Variants in DYNC1I1 observed in about 807,000 individuals in gnomAD.
DYNC1I1 encodes dynein cytoplasmic 1 intermediate chain 1, also known as cytoplasmic dynein 1 intermediate chain 1.
DYNC1I1 carries 43 observed loss-of-function variants against 86.6 expected under a neutral mutation model. The observed-to-expected ratio is 0.50, with a 90% CI of 0.39 to 0.64. The LOEUF (loss-of-function observed/expected upper bound fraction) is 0.64, where lower values mean the gene tolerates loss of function less well. Ranked by LOEUF, DYNC1I1 falls within the 30% of genes least tolerant of loss-of-function variation. The pLI is 0.00. For synonymous variants in DYNC1I1, 262 were observed against 283.7 expected, an observed-to-expected ratio of 0.92 and a Z score of 0.77; for missense variants, 604 against 788.8, an observed-to-expected ratio of 0.77 and a Z score of 2.81.
At chr7:95,978,760 T>C (rs1230674668) in intron 7 of DYNC1I1, among the ~76,000 whole-genome samples, 1 of 152,130 alleles carries the variant, frequency 6.6e-6, no homozygotes, top group Non-Finnish European at 1.5e-5. Flanking sequence ...CCCAAATGCC[T>C]ATTACAAATG....
chr7:95,895,580 G>A (rs536543855), intron 6 of DYNC1I1, among the ~76,000 whole-genome samples: 17 of 152,142 alleles, frequency 1.1e-4, no homozygotes, highest in Non-Finnish European at 1.9e-4. Flanking sequence ...GGCCGAATGC[G>A]TTGTTGATGT....
chr7:95,990,695 C>T (rs1186111722), intron 9 of DYNC1I1, among the ~76,000 whole-genome samples: 3 of 152,168 alleles, frequency 2.0e-5, no homozygotes, highest in African/African-American at 7.2e-5. Context: ...ACCTAGCTCA[C>T]ACACTTATTG....
chr7:95,954,677 T>C (rs2961174), intron 6 of DYNC1I1, among the ~76,000 whole-genome samples: 6 of 151,740 alleles, frequency 4.0e-5, no homozygotes, highest in Non-Finnish European at 7.4e-5. Flanking sequence ...ACTTTGGGAG[T>C]CTGAGGCAGG....
chr7:96,030,012 T>C (rs999360738), intron 11 of DYNC1I1, among the ~76,000 whole-genome samples: 1 of 151,980 alleles, frequency 6.6e-6, no homozygotes, highest in African/African-American at 2.4e-5. Flanking sequence ...TTGGTTTTTT[T>C]CAGGGGGATT....
At chr7:96,063,870 C>G (rs1204504667) in intron 14 of DYNC1I1, among the ~76,000 whole-genome samples, 2 of 152,162 alleles carry the variant, frequency 1.3e-5, no homozygotes, top group Middle Eastern at 3.2e-3. Context: ...TAAGGCCTTT[C>G]ACTACCGCCA....
intron 2 of DYNC1I1, among the ~76,000 whole-genome samples, chr7:95,807,834 A>G (rs2045981): frequency 0.093 from 14,197 of 152,016 alleles, 711 homozygotes; most frequent in South Asian, 0.13. Flanking sequence ...AAGATGTTAT[A>G]TTTTCCCCTT....
At chr7:95,873,329 A>G (rs1790222511) in intron 6 of DYNC1I1, among the ~76,000 whole-genome samples, 1 of 152,226 alleles carries the variant, frequency 6.6e-6, no homozygotes, top group Admixed American at 6.5e-5. Context: ...CCATTGGGTC[A>G]GCTGGACCAT....
intron 1 of DYNC1I1, among the ~76,000 whole-genome samples, chr7:95,797,655 G>C (rs1220685570): frequency 6.6e-6 from 1 of 151,958 alleles, no homozygotes; most frequent in African/African-American, 2.4e-5. Context: ...AAAGTTCATT[G>C]ATTGATATGG....
intron 15 of DYNC1I1, 85 bp from the exon 16 acceptor site, chr7:96,080,278 C>A (rs1320469995): frequency 2.0e-6 from 3 of 1,479,306 alleles, no homozygotes; most frequent in Non-Finnish European, 2.7e-6. Context: ...GTTGGTGACT[C>A]ATCCAGTTAA....
intron 6 of DYNC1I1, among the ~76,000 whole-genome samples, chr7:95,935,493 A>G (rs1792016186): frequency 6.6e-6 from 1 of 152,064 alleles, no homozygotes; most frequent in East Asian, 1.9e-4. Context: ...TGGATACTGA[A>G]AAGTGTGATT....
intron 6 of DYNC1I1, among the ~76,000 whole-genome samples, chr7:95,902,852 C>A (rs1238803528): frequency 6.6e-6 from 1 of 152,176 alleles, no homozygotes; most frequent in Non-Finnish European, 1.5e-5. Flanking sequence ...TTTATTAAAA[C>A]AATGGCCCAG....
At chr7:95,847,249 G>A (rs771435840) in intron 5 of DYNC1I1, among the ~76,000 whole-genome samples, 3 of 152,032 alleles carry the variant, frequency 2.0e-5, no homozygotes, top group Non-Finnish European at 4.4e-5. Context: ...TTCCAGTGCT[G>A]TTGCCACTTA....
At chr7:95,889,731 CT>C (rs1397310875) in intron 6 of DYNC1I1, among the ~76,000 whole-genome samples, 2 of 151,840 alleles carry the variant, frequency 1.3e-5, no homozygotes, top group Non-Finnish European at 2.9e-5. Flanking sequence ...TATAAAAAAA[CT>C]TTAACAAATT....
intron 6 of DYNC1I1, among the ~76,000 whole-genome samples, chr7:95,963,432 C>A (rs1247837549): frequency 3.3e-5 from 5 of 152,068 alleles, no homozygotes; most frequent in African/African-American, 1.2e-4. Context: ...AACATGTGTT[C>A]AATTATAATG....
At chr7:95,980,155 A>G (rs1269536083) in intron 7 of DYNC1I1, among the ~76,000 whole-genome samples, 2 of 152,162 alleles carry the variant, frequency 1.3e-5, no homozygotes, top group African/African-American at 4.8e-5. Context: ...TGCTTCATGG[A>G]ATTGATTAAA....
intron 6 of DYNC1I1, among the ~76,000 whole-genome samples, chr7:95,910,202 T>TAGG (rs1207047684): frequency 2.0e-5 from 3 of 152,206 alleles, no homozygotes; most frequent in Non-Finnish European, 2.9e-5. Flanking sequence ...TCCTAAGGCC[T>TAGG]GTGAATTATT....
At chr7:96,021,047 C>T (rs1326297097) in intron 10 of DYNC1I1, among the ~76,000 whole-genome samples, 3 of 151,908 alleles carry the variant, frequency 2.0e-5, no homozygotes, top group African/African-American at 7.3e-5. Context: ...TTAACGGGTA[C>T]CAAGTTTCAA....
At chr7:96,078,413 A>G (rs1790407297) in intron 15 of DYNC1I1, among the ~76,000 whole-genome samples, 1 of 152,196 alleles carries the variant, frequency 6.6e-6, no homozygotes, top group Non-Finnish European at 1.5e-5. Context: ...TACTGATCGG[A>G]TTAATGCAAA....
chr7:95,875,982 G>A (rs564600638), intron 6 of DYNC1I1, among the ~76,000 whole-genome samples: 19 of 150,968 alleles, frequency 1.3e-4, no homozygotes, highest in African/African-American at 3.9e-4. Context: ...ACTGACTCTC[G>A]CTTTGGTGCC....
Sources: gnomAD v4.1 joint callset for allele counts (sites outside exome capture counted in the v4.1 genomes callset) on GRCh38, gnomAD v4.1.1 for gene constraint, MANE v1.5 for transcripts, NCBI Gene and HGNC (gene_info 2026-07-23, HGNC 2026-07-21) for gene names.